Variants in PRP4K observed in about 807,000 individuals in gnomAD.
PRP4K encodes serine/threonine-protein kinase PRP4 homolog.
At chr6:4,054,247 GT>G in the PRP4K span, among the ~76,000 whole-genome samples, 9 of 151,248 alleles carry the variant, frequency 6.0e-5, 1 homozygote, top group South Asian at 1.5e-3. Context: ...AGTTTAAGGA[GT>G]TTTTTTTTAA....
chr6:4,040,356 C>T, the PRP4K span, among the ~76,000 whole-genome samples: 1 of 152,172 alleles, frequency 6.6e-6, no homozygotes, highest in Admixed American at 6.5e-5. Context: ...TTTCATCACT[C>T]CAAGTTCCCT....
At chr6:4,021,420 T>C in the PRP4K span, 21 of 1,581,966 alleles carry the variant, frequency 1.3e-5, no homozygotes, top group Non-Finnish European at 1.8e-5. Flanking sequence ...AGTCAGGAAG[T>C]TCAAGATGGC....
chr6:4,036,427 AC>A, the PRP4K span, among the ~76,000 whole-genome samples: 3 of 152,064 alleles, frequency 2.0e-5, no homozygotes, highest in African/African-American at 7.2e-5. Flanking sequence ...TCGCCATGTT[AC>A]CCAGGCTGGT....
the PRP4K span, chr6:4,051,936 CA>C: frequency 6.3e-6 from 9 of 1,426,368 alleles, no homozygotes; most frequent in Admixed American, 2.3e-5. Flanking sequence ...AATTTTACCC[CA>C]ATTTTTTTTT....
At chr6:4,044,644 G>T in the PRP4K span, among the ~76,000 whole-genome samples, 2 of 151,950 alleles carry the variant, frequency 1.3e-5, no homozygotes, top group Admixed American at 1.3e-4. Context: ...CCCTTTTTCA[G>T]TTGATTTCTC....
At chr6:4,037,693 G>GT in the PRP4K span, 1 of 902,264 alleles carries the variant, frequency 1.1e-6, no homozygotes. Context: ...TGTTCCCATA[G>GT]TTTCCTTTTA....
At chr6:4,049,550 A>G in the PRP4K span, 3 of 602,362 alleles carry the variant, frequency 5.0e-6, no homozygotes, top group Admixed American at 6.1e-5. Context: ...TGAAGTAGGC[A>G]TGCAGCTTCT....
chr6:4,028,263 C>G, the PRP4K span, among the ~76,000 whole-genome samples: 1 of 152,020 alleles, frequency 6.6e-6, no homozygotes, highest in Non-Finnish European at 1.5e-5. Flanking sequence ...GATCATGACT[C>G]ACTGCAGCCT....
chr6:4,021,887 C>T, the PRP4K span, among the ~76,000 whole-genome samples: 6 of 152,216 alleles, frequency 3.9e-5, no homozygotes, highest in Non-Finnish European at 2.9e-5. Context: ...TAAGTCTTTT[C>T]TTCCTCATGC....
the PRP4K span, among the ~76,000 whole-genome samples, chr6:4,035,257 A>G: frequency 7.2e-6 from 1 of 138,002 alleles, no homozygotes; most frequent in Admixed American, 7.5e-5. Context: ...AGCTGGGACT[A>G]CAGGTGTGCG....
chr6:4,047,335 C>T, the PRP4K span: 2 of 1,087,608 alleles, frequency 1.8e-6, no homozygotes, highest in Non-Finnish European at 2.7e-6. Context: ...AAGAATAAAG[C>T]AAATGTAATA....
At chr6:4,058,755 C>G in the PRP4K span, 1 of 1,613,180 alleles carries the variant, frequency 6.2e-7, no homozygotes. Context: ...GTTCAAAGAT[C>G]AGCATTTTGA....
the PRP4K span, chr6:4,032,744 T>G: frequency 2.7e-5 from 43 of 1,569,110 alleles, no homozygotes; most frequent in Non-Finnish European, 3.6e-5. Flanking sequence ...GGAGACGACT[T>G]TCTTCTCCAA....
chr6:4,044,283 C>T, the PRP4K span: 1 of 382,604 alleles, frequency 2.6e-6, no homozygotes, highest in African/African-American at 2.1e-5. Context: ...TATTTTAAAG[C>T]AAATCCAATT....
At chr6:4,029,772 T>G in the PRP4K span, among the ~76,000 whole-genome samples, 3 of 152,200 alleles carry the variant, frequency 2.0e-5, no homozygotes, top group African/African-American at 7.2e-5. Context: ...CTGACCGTTC[T>G]CGAAATTAGT....
chr6:4,056,781 GAGAAA>G, the PRP4K span: 2 of 1,351,794 alleles, frequency 1.5e-6, no homozygotes, highest in African/African-American at 1.5e-5. Flanking sequence ...AAGGCGAAAT[GAGAAA>G]AGAGAAGAAA....
chr6:4,027,613 T>TGGGG, the PRP4K span, among the ~76,000 whole-genome samples: 3 of 38,554 alleles, frequency 7.8e-5, no homozygotes, highest in African/African-American at 1.0e-4. Context: ...GGGGGTGGGG[T>TGGGG]GGGGGTTGGT....
chr6:4,057,022 G>T, the PRP4K span: 2 of 1,539,056 alleles, frequency 1.3e-6, no homozygotes, highest in South Asian at 2.4e-5. Context: ...TTAAAACTTT[G>T]ATTTTGTTTT....
At chr6:4,032,791 G>C in the PRP4K span, 3 of 1,459,922 alleles carry the variant, frequency 2.1e-6, no homozygotes, top group East Asian at 7.3e-5. Flanking sequence ...CTTTTTACCA[G>C]TGCATGAGAT....
Sources: allele counts gnomAD v4.1 joint callset (sites outside exome capture counted in the v4.1 genomes callset), GRCh38; gene constraint gnomAD v4.1.1; transcripts MANE v1.5; gene names NCBI Gene and HGNC (gene_info 2026-07-23, HGNC 2026-07-21).